Variants in KIDINS220 observed in about 807,000 individuals in gnomAD.
KIDINS220 encodes the protein kinase D-interacting substrate of 220 kDa.
KIDINS220 carries 63 observed loss-of-function variants against 157.6 expected under a neutral mutation model. That is an observed-to-expected ratio of 0.40 (90% confidence interval 0.33 to 0.49). The LOEUF is 0.49. KIDINS220 is among the 20% of genes least tolerant of loss of function. The probability of loss-of-function intolerance (pLI) is 0.66; values close to 1 mark genes in which losing one functional copy is unlikely to be tolerated. For synonymous variants in KIDINS220, 732 were observed against 783.6 expected (o/e 0.93, Z 1.10); for missense variants, 1,772 against 2,171.2 (o/e 0.82, Z 3.65).
chr2:8,723,834 C>T (rs138824273), downstream of KIDINS220: 1 of 152,298 alleles, frequency 6.6e-6, no homozygotes, highest in East Asian at 1.9e-4. Flanking sequence ...AAGGACTAAA[C>T]AAAGTACAAG....
At chr2:8,772,107 G>A (rs565628744) in intron 21 of KIDINS220, among the ~76,000 whole-genome samples, 2 of 152,292 alleles carry the variant, frequency 1.3e-5, no homozygotes, top group Admixed American at 6.5e-5. Context: ...AAAAGGAACA[G>A]CAAATGCACC....
Position 8,791,134 on chromosome 2 carries a change from A to G in KIDINS220, c.1367T>C (p.Met456Thr). The G allele has an allele frequency of 6.2e-7, 1 of 1,614,182 alleles. No individual in the cohort carries two copies. Among genetic ancestry groups the G allele is most frequent in the Non-Finnish European group, 8.5e-7 (1 of 1,179,990 alleles). The stretch of plus-strand genomic sequence containing the variant: ...TAACCCCACACAAATGGGTGGCTGC[A>G]TGGTAGGCTCACTGAGAATATCTGC... ...ALADILSEPT[M>T]QPPICVGLYA... Residue 456 changes from methionine to threonine, a missense_variant, in exon 13 of 30, where the codon ATG becomes ACG. By Grantham distance (81) the Met-to-Thr change is moderately conservative (BLOSUM62 -1). This residue lies in a region of KIDINS220 where 725 missense variants were observed against 1,017.1 expected (regional missense o/e 0.71). Coordinates refer to ENST00000256707, the MANE Select transcript of KIDINS220 (RefSeq NM_020738.4).
intron 6 of KIDINS220, among the ~76,000 whole-genome samples, chr2:8,808,502 T>C (rs1675831953): frequency 6.6e-6 from 1 of 152,184 alleles, no homozygotes; most frequent in African/African-American, 2.4e-5. Context: ...CCACTCCCAT[T>C]AGGGAGACAG....
chr2:8,780,351 A>T (rs1019965824), intron 17 of KIDINS220, among the ~76,000 whole-genome samples: 1 of 152,194 alleles, frequency 6.6e-6, no homozygotes, highest in South Asian at 2.1e-4. Flanking sequence ...TTATAAAAAC[A>T]TGCTACTGTT....
At chr2:8,726,958 G>T (rs774580408), downstream of KIDINS220, 43 of 1,279,760 alleles carry the variant, frequency 3.4e-5, no homozygotes, top group African/African-American at 6.1e-5. Context: ...GCATGAAAGG[G>T]TTTAAAATTA....
Position 8,818,809 on chromosome 2 carries a change from G to C in KIDINS220, c.109-16C>G, listed in dbSNP as rs752792218. The C allele has an allele frequency of 8.1e-6, 12 of 1,474,338 alleles. No individual in the cohort carries two copies. Among genetic ancestry groups the C allele is most frequent in the African/African-American group, 1.4e-5 (1 of 70,944 alleles). 91.3% of individuals were successfully genotyped at this position (1,474,338 alleles called of 1,614,324 possible). On this transcript the variant is annotated splice_polypyrimidine_tract_variant and intron_variant, in intron 2 of 29. Transcript: ENST00000256707. ...TCTGGCCACACTAGAGAATATAAAA[G>C]ACAAAGGGAACTTATCAAGTTACTG...
Position 8,770,772 on chromosome 2 carries a change from T to C in KIDINS220, c.2909A>G (p.Asn970Ser). The change falls in exon 22 of 30, where the codon AAC becomes AGC. Residue 970 changes from asparagine to serine, a missense_variant. Transcript: ENST00000256707. ...CCGGTATGGCCACTGCTCAGTAAGG[T>C]TGATCCAGCTAGCAAGCCTGTCCCA... ...FNWDRLASWI[N>S]LTEQWPYRTS... is the part of the protein sequence containing the mutation. 1 of 1,612,996 alleles carries C rather than the reference T, an allele frequency of 6.2e-7. No homozygotes were observed. The highest frequency in any genetic ancestry group is 1.7e-5 in the Admixed American group (1 of 59,990).
At chr2:8,822,711 G>GA (rs893356916) in intron 2 of KIDINS220, among the ~76,000 whole-genome samples, 12 of 152,100 alleles carry the variant, frequency 7.9e-5, no homozygotes, top group South Asian at 6.2e-4. Flanking sequence ...TCTTAAACGG[G>GA]AAAAAAATGA....
At chr2:8,726,550 C>A (rs1251668077), downstream of KIDINS220, among the ~76,000 whole-genome samples, 1 of 152,204 alleles carries the variant, frequency 6.6e-6, no homozygotes, top group Non-Finnish European at 1.5e-5. Flanking sequence ...CATCAGTTGA[C>A]GACAGGGGTA....
At chr2:8,760,138 T>C (rs1392253441) in intron 22 of KIDINS220, among the ~76,000 whole-genome samples, 1 of 152,246 alleles carries the variant, frequency 6.6e-6, no homozygotes, top group African/African-American at 2.4e-5. Flanking sequence ...TGCTGTTACA[T>C]ATTACATTTT....
At chr2:8,807,577 T>C (rs1337891891) in intron 6 of KIDINS220, among the ~76,000 whole-genome samples, 1 of 152,254 alleles carries the variant, frequency 6.6e-6, no homozygotes, top group Non-Finnish European at 1.5e-5. Flanking sequence ...TAAGTAGTCC[T>C]GTGCTAGTGG....
chr2:8,811,775 A>T (rs1043906611), intron 6 of KIDINS220, among the ~76,000 whole-genome samples: 17 of 145,710 alleles, frequency 1.2e-4, no homozygotes, highest in East Asian at 3.9e-4. Flanking sequence ...TTAAGGATTT[A>T]AAAAAAAAAA....
At chr2:8,836,857 A>T (rs1175588952) in intron 1 of KIDINS220, among the ~76,000 whole-genome samples, 3 of 152,202 alleles carry the variant, frequency 2.0e-5, no homozygotes, top group African/African-American at 7.2e-5. Flanking sequence ...TTCATAAAAA[A>T]ATTTTTCATC....
rs1403709769 is a variant in KIDINS220 at position 8,793,977 on chromosome 2, G to A, written c.1109C>T (p.Thr370Ile). The change falls in exon 12 of 30, where the codon ACT becomes ATT. Residue 370 changes from threonine (T) to isoleucine (I), a missense_variant. Thr to Ile is a moderately conservative substitution (Grantham distance 89). Coordinates refer to ENST00000256707, the MANE Select transcript of KIDINS220 (RefSeq NM_020738.4). Reference protein sequence around the residue: ...KVSAVDKKGDTPLHIAIRGRS... With the variant: ...KVSAVDKKGDIPLHIAIRGRS... ...TCCACGAATAGCAATATGCAAGGGA[G>A]TATCTCCTTTCTGTAAAATAATAGT... The A allele has an allele frequency of 3.1e-6, 5 of 1,603,608 alleles. No homozygotes were observed. Among genetic ancestry groups the A allele is most frequent in the Non-Finnish European group, 3.4e-6 (4 of 1,176,706 alleles).
intron 22 of KIDINS220, among the ~76,000 whole-genome samples, chr2:8,764,151 C>A (rs951237162): frequency 6.6e-6 from 1 of 152,060 alleles, no homozygotes; most frequent in African/African-American, 2.4e-5. Context: ...AGTGGAAAAC[C>A]AACAACCATA....
chr2:8,738,157 T>C (rs1665146350), intron 26 of KIDINS220, among the ~76,000 whole-genome samples: 2 of 152,210 alleles, frequency 1.3e-5, no homozygotes, highest in African/African-American at 2.4e-5. Flanking sequence ...TAAAATAAAT[T>C]TCCATGAGTC....
intron 7 of KIDINS220, among the ~76,000 whole-genome samples, chr2:8,804,663 C>A (rs933915905): frequency 2.0e-5 from 3 of 152,148 alleles, no homozygotes; most frequent in Non-Finnish European, 2.9e-5. Flanking sequence ...TATTTTAATG[C>A]AGCACAATGT....
chr2:8,727,353 T>C, downstream of KIDINS220: 3 of 733,184 alleles, frequency 4.1e-6, no homozygotes, highest in South Asian at 1.7e-4. Flanking sequence ...CCTTCCCTTT[T>C]ACCCACGTAT....
chr2:8,769,834 C>G (rs1351547838), intron 22 of KIDINS220, among the ~76,000 whole-genome samples: 2 of 152,130 alleles, frequency 1.3e-5, no homozygotes, highest in East Asian at 1.9e-4. Context: ...AATAGGCAGA[C>G]AGTAATTATA....
Sources: gnomAD v4.1 joint callset for allele counts (sites outside exome capture counted in the v4.1 genomes callset) on GRCh38, gnomAD v4.1.1 for gene constraint, gnomAD v4.1.1 regional missense constraint, MANE v1.5 for transcripts, NCBI Gene and HGNC (gene_info 2026-07-23, HGNC 2026-07-21) for gene names.